The following ADAMTS18 variants were observed in gnomAD, a reference collection of about 807,000 sequenced individuals.
ADAMTS18 encodes the protein A disintegrin and metalloproteinase with thrombospondin motifs 18.
A neutral mutation model predicts 165.9 loss-of-function variants in ADAMTS18; 157 were observed. That is an observed-to-expected ratio of 0.95 (90% CI 0.83 to 1.08). ADAMTS18 has a LOEUF of 1.08. Among genes scored for constraint, ADAMTS18 ranks in the 50% least tolerant of loss-of-function variants. The probability of loss-of-function intolerance (pLI) is 0.00; values close to 1 mark genes in which losing one functional copy is unlikely to be tolerated. For synonymous variants in ADAMTS18, 782 were observed against 578.2 expected, an observed-to-expected ratio of 1.35 and a Z score of -5.06; for missense variants, 2,040 against 1,534.0, an observed-to-expected ratio of 1.33 and a Z score of -5.51.
At chr16:77,402,506 A>G (rs1224253811) in intron 3 of ADAMTS18, among the ~76,000 whole-genome samples, 1 of 152,174 alleles carries the variant, frequency 6.6e-6, no homozygotes, top group East Asian at 1.9e-4. Context: ...GAGAAGGAAA[A>G]AACTGAATCT....
intron 12 of ADAMTS18, among the ~76,000 whole-genome samples, chr16:77,329,727 A>G (rs1030555911): frequency 5.3e-5 from 8 of 152,202 alleles, no homozygotes; most frequent in Non-Finnish European, 8.8e-5. Context: ...GGCCATTTCC[A>G]TAAAAATATA....
At chr16:77,358,269 G>A (rs183738608) in intron 8 of ADAMTS18, among the ~76,000 whole-genome samples, 1 of 152,298 alleles carries the variant, frequency 6.6e-6, no homozygotes, top group East Asian at 1.9e-4. Context: ...GATAATAAAT[G>A]TAGCTCATAG....
intron 16 of ADAMTS18, among the ~76,000 whole-genome samples, chr16:77,314,668 T>A (rs1197810449): frequency 7.2e-6 from 1 of 138,482 alleles, no homozygotes; most frequent in South Asian, 2.3e-4. Context: ...TATATGTACA[T>A]ATATACATAC....
chr16:77,377,623 G>C (rs2056971664), intron 3 of ADAMTS18, among the ~76,000 whole-genome samples: 2 of 152,142 alleles, frequency 1.3e-5, no homozygotes, highest in South Asian at 4.1e-4. Flanking sequence ...GTACAAAGTA[G>C]CCCCAGTAGG....
intron 3 of ADAMTS18, among the ~76,000 whole-genome samples, chr16:77,412,777 C>T (rs1014832296): frequency 3.3e-5 from 5 of 152,166 alleles, no homozygotes; most frequent in Admixed American, 1.3e-4. Context: ...GGTGAAAATG[C>T]CCCCATGATT....
intron 3 of ADAMTS18, among the ~76,000 whole-genome samples, chr16:77,407,454 C>T (rs988641581): frequency 2.6e-5 from 4 of 151,950 alleles, no homozygotes; most frequent in East Asian, 1.9e-4. Context: ...TAGAAATTGG[C>T]AAACTAACGC....
chr16:77,351,855 C>G (rs892579122), intron 10 of ADAMTS18, among the ~76,000 whole-genome samples: 1 of 152,146 alleles, frequency 6.6e-6, no homozygotes, highest in Non-Finnish European at 1.5e-5. Flanking sequence ...CTGCCTCAGC[C>G]TCCCTAGTAG....
intron 11 of ADAMTS18, among the ~76,000 whole-genome samples, chr16:77,339,114 A>AC: frequency 6.6e-6 from 1 of 152,284 alleles, no homozygotes; most frequent in African/African-American, 2.4e-5. Context: ...AGTACCTGCT[A>AC]CTGTGTGTCA....
intron 16 of ADAMTS18, among the ~76,000 whole-genome samples, chr16:77,305,994 G>A (rs528156119): frequency 2.0e-5 from 3 of 152,258 alleles, no homozygotes; most frequent in East Asian, 3.9e-4. Context: ...CATGCTCAGG[G>A]TACAGGAGCA....
chr16:77,409,496 C>T (rs1279324171), intron 3 of ADAMTS18, among the ~76,000 whole-genome samples: 1 of 152,090 alleles, frequency 6.6e-6, no homozygotes, highest in Admixed American at 6.6e-5. Flanking sequence ...TAAATAGTAT[C>T]ACAGACATTC....
intron 11 of ADAMTS18, among the ~76,000 whole-genome samples, chr16:77,341,132 T>C (rs2056391187): frequency 6.6e-6 from 1 of 152,190 alleles, no homozygotes; most frequent in Non-Finnish European, 1.5e-5. Context: ...ATTAAAAATA[T>C]TGAGATCTCC....
intron 16 of ADAMTS18, among the ~76,000 whole-genome samples, chr16:77,311,829 A>G (rs1007456366): frequency 1.3e-5 from 2 of 152,126 alleles, no homozygotes; most frequent in Admixed American, 6.6e-5. Flanking sequence ...AGATAGGTCA[A>G]ATTCCTTGGA....
At chr16:77,298,519 C>CGATGT (rs2055518803) in intron 17 of ADAMTS18, among the ~76,000 whole-genome samples, 1 of 152,108 alleles carries the variant, frequency 6.6e-6, no homozygotes, top group African/African-American at 2.4e-5. Flanking sequence ...AGGCCGGGCA[C>CGATGT]GATGGCTCAC....
At chr16:77,286,838 G>A (rs891274745) in intron 22 of ADAMTS18, among the ~76,000 whole-genome samples, 1 of 152,134 alleles carries the variant, frequency 6.6e-6, no homozygotes, top group Non-Finnish European at 1.5e-5. Context: ...TGGTATGACT[G>A]CTTTAGGGCC....
rs2056678017 is a variant in ADAMTS18, at chr16:77,359,396, G to T, written c.1244C>A (p.Ser415Tyr). ...LGFAPISGMC[S>Y]KYRSCTINED... is the part of the protein sequence containing the mutation. ...ATTGATGGTACAACTTCGGTACTTA[G>T]AGCACATTCCACTGATGGGGGCAAA... The change falls in exon 8 of 23, where the codon TCT becomes TAT. Residue 415 changes from serine (S) to tyrosine (Y), a missense_variant. Coordinates refer to ENST00000282849, the MANE Select transcript of ADAMTS18 (RefSeq NM_199355.4). 2 of 1,614,006 alleles carry T rather than the reference G, an allele frequency of 1.2e-6. No individual in the cohort carries two copies. The highest frequency in any genetic ancestry group is 1.7e-6 in the Non-Finnish European group (2 of 1,180,004).
intron 3 of ADAMTS18, among the ~76,000 whole-genome samples, chr16:77,385,043 G>T (rs2057087298): frequency 6.6e-6 from 1 of 151,746 alleles, no homozygotes; most frequent in Non-Finnish European, 1.5e-5. Flanking sequence ...CAAGTAGCTG[G>T]GATTACAGAC....
chr16:77,378,224 T>C (rs1266107402), intron 3 of ADAMTS18, among the ~76,000 whole-genome samples: 4 of 151,684 alleles, frequency 2.6e-5, no homozygotes, highest in South Asian at 4.2e-4. Flanking sequence ...ACTCAGGAGA[T>C]TGAGGTAGGA....
intron 10 of ADAMTS18, among the ~76,000 whole-genome samples, chr16:77,346,262 C>T (rs919064090): frequency 1.4e-4 from 21 of 152,074 alleles, no homozygotes; most frequent in East Asian, 5.8e-4. Context: ...TTATTTATAA[C>T]GTTTATTGTG....
intron 3 of ADAMTS18, among the ~76,000 whole-genome samples, chr16:77,369,702 G>C (rs2056849049): frequency 6.6e-6 from 1 of 152,122 alleles, no homozygotes; most frequent in South Asian, 2.1e-4. Flanking sequence ...GCAAACTATT[G>C]AAAACAAATT....
Sources: gnomAD v4.1 joint callset for allele counts (sites outside exome capture counted in the v4.1 genomes callset) on GRCh38, gnomAD v4.1.1 for gene constraint, MANE v1.5 for transcripts, NCBI Gene and HGNC (gene_info 2026-07-23, HGNC 2026-07-21) for gene names.